The following TRHDE variants were observed in gnomAD, a reference collection of about 807,000 sequenced individuals.
TRHDE encodes the protein thyrotropin-releasing hormone-degrading ectoenzyme.
A neutral mutation model predicts 125.7 loss-of-function variants in TRHDE; 72 were observed. The observed-to-expected ratio is 0.57, with a 90% CI of 0.47 to 0.70. TRHDE has a LOEUF of 0.70. TRHDE is among the 30% of genes least tolerant of loss of function. The probability of loss-of-function intolerance (pLI) is 0.00; values close to 1 mark genes in which losing one functional copy is unlikely to be tolerated. For synonymous variants in TRHDE, 509 were observed against 509.1 expected, an observed-to-expected ratio of 1.00 and a Z score of 0.00; for missense variants, 1,110 against 1,327.1, an observed-to-expected ratio of 0.84 and a Z score of 2.54.
At chr12:72,377,910 TGATTTGTGTA>T (rs1871965425) in intron 2 of TRHDE, 75 bp from the exon 3 acceptor site, 1 of 959,902 alleles carries the variant, frequency 1.0e-6, no homozygotes, top group African/African-American at 1.7e-5. Context: ...GTATTCTAAG[TGATTTGTGTA>T]GATTCATATT....
Position 72,166,907 on chromosome 12 carries a change from CGTGTGTGTGT to C in TRHDE, n.279+61192_279+61201del, listed in dbSNP as rs59590935. ...AATGGAAGAATAAAAGGTAGATGAA[CGTGTGTGTGT>C]GTGTGTGTGTGTGTGTGTGTGTGTG... On this transcript the variant is annotated intron_variant and non_coding_transcript_variant, in intron 2 of 4. Transcript: ENST00000548156. Among the ~76,000 whole-genome samples, 530 of 139,324 alleles carry C rather than the reference CGTGTGTGTGT, an allele frequency of 3.8e-3. 5 individuals carry two copies. Among genetic ancestry groups the C allele is most frequent in the African/African-American group, 0.013 (464 of 36,990 alleles). The allele number at this position is 139,324 out of a possible 152,430, so 91.4% of individuals were successfully genotyped here. A position where few individuals can be genotyped will look rare whatever the true frequency, so the allele number is the denominator to read the frequency against.
In TRHDE at chr12:72,618,993, T is replaced by C; in HGVS notation, c.2424T>C (p.Pro808=). ...ATGCTGCCAGCCGAGCTCTTTATCCTCTAGATAAATTACTGGACCGCATGG... is the reference window on the plus strand; with the variant it reads ...ATGCTGCCAGCCGAGCTCTTTATCCCCTAGATAAATTACTGGACCGCATGG... ...PWHAASRALY[P]LDKLLDRMEN... is the part of the protein sequence containing the mutation. Residue 808 remains proline, a synonymous_variant, in exon 13 of 19, where the codon CCT becomes CCC. Coordinates refer to ENST00000261180, the MANE Select transcript of TRHDE (RefSeq NM_013381.3). The C allele has an allele frequency of 6.3e-7, 1 of 1,595,904 alleles. No individual in the cohort carries two copies. The highest frequency in any genetic ancestry group is 8.5e-7 in the Non-Finnish European group (1 of 1,171,644).
chr12:72,267,642 T>C (rs1879098162), upstream of TRHDE, among the ~76,000 whole-genome samples: 1 of 151,724 alleles, frequency 6.6e-6, no homozygotes, highest in Admixed American at 6.6e-5. Context: ...TGAGACCTAA[T>C]CTCTAAAAAA....
At chr12:72,261,570 A>G (rs936800893) in intron 2 of TRHDE, among the ~76,000 whole-genome samples, 1 of 152,104 alleles carries the variant, frequency 6.6e-6, no homozygotes, top group Non-Finnish European at 1.5e-5. Context: ...ACTTTTAGAT[A>G]TTTATTGTTC....
chr12:72,294,124 GTCTGGGCTCCCAGAAGGACTGCAGC>G (rs1330181988), intron 2 of TRHDE, among the ~76,000 whole-genome samples: 5 of 152,202 alleles, frequency 3.3e-5, no homozygotes, highest in African/African-American at 1.2e-4. Flanking sequence ...GAGTTCCCAG[GTCTGGGCTCCCAGAAGGACTGCAGC>G]TCTTCTTTCC....
chr12:72,114,711 GGAA>G (rs1027117719), intron 2 of TRHDE, among the ~76,000 whole-genome samples: 1 of 151,962 alleles, frequency 6.6e-6, no homozygotes, highest in Non-Finnish European at 1.5e-5. Flanking sequence ...GAGGTGAGAT[GGAA>G]GAAGGCTTAT....
intron 2 of TRHDE, among the ~76,000 whole-genome samples, chr12:72,320,514 A>T (rs1032596252): frequency 6.6e-6 from 1 of 150,412 alleles, no homozygotes; most frequent in African/African-American, 2.4e-5. Flanking sequence ...GAATCTTCAG[A>T]TGTAGAACCT....
intron 5 of TRHDE, among the ~76,000 whole-genome samples, chr12:72,494,784 A>G (rs529741854): frequency 2.2e-4 from 34 of 152,098 alleles, no homozygotes; most frequent in Non-Finnish European, 4.4e-4. Context: ...GAATACCAAT[A>G]TATGAAATGC....
intron 2 of TRHDE, among the ~76,000 whole-genome samples, chr12:72,332,973 A>G (rs1869671922): frequency 6.6e-6 from 1 of 152,254 alleles, no homozygotes; most frequent in Admixed American, 6.5e-5. Context: ...TCTCAAGTTT[A>G]CTGAAATTAT....
chr12:72,451,048 A>T (rs1875545061), intron 3 of TRHDE, among the ~76,000 whole-genome samples: 1 of 152,124 alleles, frequency 6.6e-6, no homozygotes, highest in South Asian at 2.1e-4. Flanking sequence ...TTCATCAGGT[A>T]TATAGTTTGC....
Position 72,273,117 on chromosome 12 carries a change from G to A in TRHDE, c.474G>A (p.Gly158=). Reference sequence around the variant, plus strand: ...ACTCCTGGCAGCCCGAGGCGGGTGGGGTGGCCAGTCCGGGGACCACGTCGG... The same window carrying A: ...ACTCCTGGCAGCCCGAGGCGGGTGGAGTGGCCAGTCCGGGGACCACGTCGG... The part of the protein sequence containing the change: ...GGDSWQPEAG[G]VASPGTTSAQ... Residue 158 remains glycine (G), a synonymous_variant, in exon 1 of 19, where the codon GGG becomes GGA. Coordinates refer to ENST00000261180, the MANE Select transcript of TRHDE (RefSeq NM_013381.3). This position sits in a 1 kb window ranked among gnomAD's most constrained non-coding sequence, Gnocchi z 5.3. The A allele has an allele frequency of 2.0e-6, 3 of 1,531,092 alleles. No individual in the cohort carries two copies. The highest frequency in any genetic ancestry group is 2.6e-6 in the Non-Finnish European group (3 of 1,139,100). The allele number at this position is 1,531,092 out of a possible 1,614,324, so 94.8% of individuals were successfully genotyped here.
intron 12 of TRHDE, among the ~76,000 whole-genome samples, chr12:72,601,594 C>A (rs1251730192): frequency 6.6e-6 from 1 of 152,142 alleles, no homozygotes; most frequent in Non-Finnish European, 1.5e-5. Context: ...ATCAATGCAG[C>A]AAACGTGATT....
intron 1 of TRHDE, among the ~76,000 whole-genome samples, chr12:72,286,193 T>C (rs897582690): frequency 9.9e-5 from 15 of 152,238 alleles, no homozygotes; most frequent in African/African-American, 3.4e-4. Context: ...AAATCCTTTT[T>C]CTGAACAAAA....
intron 6 of TRHDE, among the ~76,000 whole-genome samples, chr12:72,541,659 AG>A (rs1869153580): frequency 6.6e-6 from 1 of 151,442 alleles, no homozygotes; most frequent in Non-Finnish European, 1.5e-5. Flanking sequence ...ACATGTATTG[AG>A]TTATTTAAGC....
At chr12:72,368,051 T>C (rs960563842) in intron 2 of TRHDE, among the ~76,000 whole-genome samples, 3 of 152,220 alleles carry the variant, frequency 2.0e-5, no homozygotes, top group African/African-American at 7.2e-5. Context: ...GGTATAACTA[T>C]ACACTGTTTC....
At chr12:72,360,092 T>C (rs75933181) in intron 2 of TRHDE, among the ~76,000 whole-genome samples, 3,506 of 151,782 alleles carry the variant, frequency 0.023, 133 homozygotes, top group African/African-American at 0.08. Context: ...ACTCACACAA[T>C]ACATTCCACA....
chr12:72,531,669 A>G (rs1364722350), intron 6 of TRHDE, among the ~76,000 whole-genome samples: 5 of 151,922 alleles, frequency 3.3e-5, no homozygotes, highest in African/African-American at 9.7e-5. Flanking sequence ...GTGCTGTCCA[A>G]TGTAATTTAA....
intron 2 of TRHDE, among the ~76,000 whole-genome samples, chr12:72,371,188 G>A (rs915057613): frequency 4.0e-5 from 6 of 151,742 alleles, no homozygotes; most frequent in Non-Finnish European, 8.8e-5. Context: ...CCTGTGTCCA[G>A]CTTATCTTTC....
chr12:72,277,332 A>G (rs184074562), intron 1 of TRHDE, among the ~76,000 whole-genome samples: 22 of 152,242 alleles, frequency 1.4e-4, no homozygotes, highest in Admixed American at 4.6e-4. Flanking sequence ...ATGCCTTGTA[A>G]TTTACTCAGA....
Sources: gnomAD v4.1 joint callset for allele counts (sites outside exome capture counted in the v4.1 genomes callset) on GRCh38, gnomAD v4.1.1 for gene constraint, Gnocchi (gnomAD v3.1) non-coding constraint, MANE v1.5 for transcripts, NCBI Gene and HGNC (gene_info 2026-07-23, HGNC 2026-07-21) for gene names.